PCGF3: variants seen among roughly 807,000 people sequenced by gnomAD.
PCGF3 encodes polycomb group ring finger 3, also known as polycomb group RING finger protein 3.
Under a neutral mutation model 33.1 loss-of-function variants are expected in PCGF3, and 7 were observed. That is an observed-to-expected ratio of 0.21 (90% CI 0.12 to 0.40). The LOEUF (loss-of-function observed/expected upper bound fraction) is 0.40, where lower values mean the gene tolerates loss of function less well. Among genes scored for constraint, PCGF3 ranks in the 10% least tolerant of loss-of-function variants. The pLI, the probability that PCGF3 is intolerant of heterozygous loss-of-function variation, is 1.00. For missense variants in PCGF3, 211 were observed against 313.3 expected, an observed-to-expected ratio of 0.67 and a Z score of 2.46; for synonymous variants, 153 against 121.3, an observed-to-expected ratio of 1.26 and a Z score of -1.72.
chr4:743,325 C>T (rs1023676693), intron 6 of PCGF3, 149 bp from the exon 7 acceptor site: 2 of 593,512 alleles, frequency 3.4e-6, no homozygotes, highest in South Asian at 2.0e-5. Context: ...GCCCCCAAAA[C>T]ATCTCAGTCT....
intron 1 of PCGF3, among the ~76,000 whole-genome samples, chr4:711,109 A>G (rs982701512): frequency 7.2e-5 from 11 of 152,336 alleles, no homozygotes; most frequent in East Asian, 1.9e-4. Context: ...CCTCCACTGC[A>G]CAGGGAGCCG....
At position 720,676 on chromosome 4, in the gene PCGF3, G is replaced by A. The variant is rs1046359641; in HGVS notation, c.-189-9954G>A. 6.6e-6 allele frequency among the ~76,000 whole-genome samples: 1 copy of A among 151,230 alleles called. No homozygotes were observed. The highest frequency in any genetic ancestry group is 1.5e-5 in the Non-Finnish European group (1 of 67,762). ...CGGGCGGTGACGTGCGTGTGGACCCGGGGTGGACGGGCGGTGACGTGCGTG... is the reference window on the plus strand; with the variant it reads ...CGGGCGGTGACGTGCGTGTGGACCCAGGGTGGACGGGCGGTGACGTGCGTG... On this transcript the variant is annotated intron_variant, in intron 1 of 10. Coordinates refer to ENST00000362003, the Ensembl canonical transcript of PCGF3. This position sits in a 1 kb window ranked among gnomAD's most constrained non-coding sequence, Gnocchi z 5.6.
intron 8 of PCGF3, among the ~76,000 whole-genome samples, chr4:749,121 C>A (rs78564282): frequency 0.04 from 6,052 of 152,330 alleles, 159 homozygotes; most frequent in East Asian, 0.093. Flanking sequence ...TTATTTGTTG[C>A]TTTCAAAAGG....
chr4:739,586 T>C (rs1490395160), intron 6 of PCGF3, among the ~76,000 whole-genome samples: 2 of 152,206 alleles, frequency 1.3e-5, no homozygotes, highest in Non-Finnish European at 2.9e-5. Context: ...TCCTGGGTTG[T>C]CCTGCGGCAG....
chr4:716,255 T>A (rs1257943801), intron 1 of PCGF3, among the ~76,000 whole-genome samples: 1 of 128,258 alleles, frequency 7.8e-6, no homozygotes. Context: ...GTGTGAGAAC[T>A]GGGCGTCGGT....
intron 8 of PCGF3, among the ~76,000 whole-genome samples, chr4:748,038 A>G (rs1317291709): frequency 1.3e-5 from 2 of 152,106 alleles, no homozygotes; most frequent in African/African-American, 4.8e-5. Flanking sequence ...ATGTTACGTG[A>G]AAGAAAGTAA....
At chr4:729,010 G>A (rs1171229893) in intron 1 of PCGF3, among the ~76,000 whole-genome samples, 4 of 137,674 alleles carry the variant, frequency 2.9e-5, no homozygotes, top group African/African-American at 5.5e-5. Flanking sequence ...TGAGGCACAA[G>A]AATTGCTTGA....
At chr4:728,204 C>T (rs1456459290) in intron 1 of PCGF3, among the ~76,000 whole-genome samples, 5 of 152,340 alleles carry the variant, frequency 3.3e-5, no homozygotes, top group African/African-American at 9.6e-5. Context: ...GTCCAGTCAA[C>T]ACAGATTGAA....
chr4:721,155 G>A lies in PCGF3; in HGVS notation c.-189-9475G>A, dbSNP rs1743060662. On this transcript the variant is annotated intron_variant, in intron 1 of 10. Transcript: ENST00000362003. This position sits in a 1 kb window ranked among gnomAD's most constrained non-coding sequence, Gnocchi z 4.1. ...TGGTGACGATTTCATGGATGTTTGT[G>A]AAACCAACCTCACTGCCCCATTACA... 6.6e-6 allele frequency among the ~76,000 whole-genome samples: 1 copy of A among 152,096 alleles called. No homozygotes were observed. Among genetic ancestry groups the A allele is most frequent in the Non-Finnish European group, 1.5e-5 (1 of 68,018 alleles).
At chr4:734,504 T>C in intron 4 of PCGF3, 1 of 1,217,262 alleles carries the variant, frequency 8.2e-7, no homozygotes. Flanking sequence ...TTAATCGTAT[T>C]TTTAGATATT....
At chr4:761,813 C>T (rs549082142) in intron 9 of PCGF3, 2 of 985,422 alleles carry the variant, frequency 2.0e-6, no homozygotes, top group Non-Finnish European at 2.4e-6. Context: ...CATGAGGCGG[C>T]CTTGGCAGCG....
intron 1 of PCGF3, among the ~76,000 whole-genome samples, chr4:707,000 C>T (rs900389368): frequency 1.4e-5 from 2 of 143,270 alleles, no homozygotes; most frequent in African/African-American, 5.2e-5. Context: ...CTGGGAAGGT[C>T]GCGACCCCAG....
At chr4:713,023 G>T (rs116101173) in intron 1 of PCGF3, among the ~76,000 whole-genome samples, 1 of 149,084 alleles carries the variant, frequency 6.7e-6, no homozygotes, top group African/African-American at 2.5e-5. Flanking sequence ...CTTGTTGGGG[G>T]CCTGTGGGGC....
At chr4:755,990 G>A (rs571653659) in intron 8 of PCGF3, among the ~76,000 whole-genome samples, 30 of 121,982 alleles carry the variant, frequency 2.5e-4, no homozygotes, top group African/African-American at 5.1e-4. Flanking sequence ...TTGGCTCACC[G>A]CAACCTCCAC....
In PCGF3 at chr4:720,777, T is replaced by A. The variant is rs992157025; in HGVS notation, c.-189-9853T>A. Among the ~76,000 whole-genome samples, 4 of 151,972 alleles carry A rather than the reference T, an allele frequency of 2.6e-5. No homozygotes were observed. Among genetic ancestry groups the A allele is most frequent in the African/African-American group, 9.7e-5 (4 of 41,382 alleles). ...CAGCCCCGACGTGAATGGATGTGGT[T>A]CCGACGTGACTGCGCTGGCATGGGA... On this transcript the variant is annotated intron_variant, in intron 1 of 10. Transcript: ENST00000362003. This position sits in a 1 kb window ranked among gnomAD's most constrained non-coding sequence, Gnocchi z 5.6.
intron 8 of PCGF3, among the ~76,000 whole-genome samples, chr4:754,173 G>A (rs1744662109): frequency 6.6e-6 from 1 of 152,180 alleles, no homozygotes; most frequent in Admixed American, 6.5e-5. Flanking sequence ...AGGGGAAATG[G>A]CTCCTATACC....
In PCGF3 at chr4:724,796, TCACA is replaced by T. The variant is rs376103112; in HGVS notation, c.-189-5823_-189-5820del. 8.0e-3 allele frequency among the ~76,000 whole-genome samples: 1,209 copies of T among 151,640 alleles called. 18 individuals carry two copies. The highest frequency in any genetic ancestry group is 0.027 in the African/African-American group (1,130 of 41,272). Reference sequence around the variant, plus strand: ...CTGGGCGACAGAGCGAGATTCCGTCTCACACACACACACAAAAAATTAGTTGGGT... The same window carrying T: ...CTGGGCGACAGAGCGAGATTCCGTCTCACACACACAAAAAATTAGTTGGGT... On this transcript the variant is annotated intron_variant, in intron 1 of 10. Coordinates refer to ENST00000362003, the Ensembl canonical transcript of PCGF3.
At chr4:747,609 GGT>G (rs1744312339) in intron 8 of PCGF3, among the ~76,000 whole-genome samples, 1 of 54,886 alleles carries the variant, frequency 1.8e-5, no homozygotes, top group Non-Finnish European at 4.3e-5. Flanking sequence ...GGGGCCCGGG[GGT>G]CGCTGCAGTG....
At chr4:756,657 AT>A (rs1415378222) in intron 8 of PCGF3, among the ~76,000 whole-genome samples, 1 of 152,004 alleles carries the variant, frequency 6.6e-6, no homozygotes, top group African/African-American at 2.4e-5. Flanking sequence ...CATTTTAACC[AT>A]TTTCAGGTGT....
Sources: allele counts gnomAD v4.1 joint callset (sites outside exome capture counted in the v4.1 genomes callset), GRCh38; gene constraint gnomAD v4.1.1; non-coding constraint Gnocchi (gnomAD v3.1); transcripts MANE v1.5; gene names NCBI Gene and HGNC (gene_info 2026-07-23, HGNC 2026-07-21).